CNBD2: variants seen among roughly 807,000 people sequenced by gnomAD.
CNBD2 encodes cyclic nucleotide binding domain containing 2.
A neutral mutation model predicts 63.7 loss-of-function variants in CNBD2; 64 were observed. That is an observed-to-expected ratio of 1.00 (90% CI 0.82 to 1.24). The LOEUF is 1.24. Among genes scored for constraint, CNBD2 ranks in the 50% most tolerant of loss-of-function variants. The probability of loss-of-function intolerance (pLI) is 0.00; values close to 1 mark genes in which losing one functional copy is unlikely to be tolerated. For synonymous variants in CNBD2, 229 were observed against 255.4 expected (o/e 0.90, Z 0.99); for missense variants, 691 against 713.5 (o/e 0.97, Z 0.36).
At chr20:36,007,404 C>G (rs1247004348) in intron 8 of CNBD2, among the ~76,000 whole-genome samples, 1 of 152,106 alleles carries the variant, frequency 6.6e-6, no homozygotes, top group Non-Finnish European at 1.5e-5. Flanking sequence ...CCTACCTCAG[C>G]CTCCTGAGTA....
chr20:35,976,114 A>G (rs990453902), intron 3 of CNBD2, 112 bp downstream of exon 3: 2 of 905,230 alleles, frequency 2.2e-6, no homozygotes, highest in Non-Finnish European at 3.5e-6. Context: ...TCTGCCACCA[A>G]CTCAGCTTGT....
chr20:35,975,203 T>A (rs368307758), intron 2 of CNBD2, among the ~76,000 whole-genome samples: 1 of 134,538 alleles, frequency 7.4e-6, no homozygotes, highest in Admixed American at 7.3e-5. Flanking sequence ...GGGTTTCACC[T>A]TGTTAGCCAG....
intron 6 of CNBD2, among the ~76,000 whole-genome samples, chr20:35,985,486 CCTTT>C (rs1337248250): frequency 7.2e-6 from 1 of 139,390 alleles, no homozygotes; most frequent in East Asian, 2.2e-4. Context: ...AACTATAATT[CCTTT>C]TTTTTTTTTT....
At chr20:36,006,711 C>G (rs1021547459) in intron 8 of CNBD2, among the ~76,000 whole-genome samples, 3 of 152,192 alleles carry the variant, frequency 2.0e-5, no homozygotes, top group African/African-American at 7.2e-5. Context: ...AGCCACTGCG[C>G]CTGGCCATAG....
At chr20:35,960,697 T>C (rs980828239) in intron 2 of CNBD2, among the ~76,000 whole-genome samples, 4 of 600 alleles carry the variant, frequency 6.7e-3, no homozygotes, top group African/African-American at 0.053. Flanking sequence ...ACTCCTCTTC[T>C]CTTCCCTTCT....
intron 10 of CNBD2, among the ~76,000 whole-genome samples, chr20:36,019,529 G>GAAAAAAAAA (rs60556168): frequency 4.6e-4 from 33 of 71,632 alleles, no homozygotes; most frequent in East Asian, 1.3e-3. Flanking sequence ...CTCAAAAAAA[G>GAAAAAAAAA]AAAAAAAAAA....
chr20:36,010,317 G>A (rs544016819), intron 9 of CNBD2, among the ~76,000 whole-genome samples: 19 of 152,072 alleles, frequency 1.2e-4, no homozygotes, highest in African/African-American at 4.3e-4. Context: ...CAAGCTCCTG[G>A]CCTCCATAAC....
chr20:35,984,541 A>G (rs759158070), intron 5 of CNBD2, 86 bp from the exon 6 acceptor site: 4 of 1,406,464 alleles, frequency 2.8e-6, no homozygotes, highest in East Asian at 4.7e-5. Flanking sequence ...TTCAGGGGGA[A>G]GATGGAGGCA....
intron 11 of CNBD2, among the ~76,000 whole-genome samples, chr20:36,024,064 G>T (rs1024478762): frequency 6.6e-6 from 1 of 152,216 alleles, no homozygotes; most frequent in Non-Finnish European, 1.5e-5. Flanking sequence ...GGTTGGGTGC[G>T]ATGGCTCACG....
rs367919516 is a variant in CNBD2, at chr20:36,023,551, G to A, written c.1270-51G>A. 290 of 1,388,744 alleles carry A rather than the reference G, an allele frequency of 2.1e-4. 1 individual carries two copies. The African/African-American group carries it at 3.7e-3, about 18-fold the overall frequency. 86.0% of individuals were successfully genotyped at this position (1,388,744 alleles called of 1,614,324 possible). ...AAGAAAAAAAAGAATGAAAATCTGC[G>A]GGCAGACCTGGCCAGTCTCTGAGGT... On this transcript the variant is annotated intron_variant, in intron 10 of 11. Transcript: ENST00000373973.
chr20:36,018,484 G>A (rs1404125098), intron 10 of CNBD2, among the ~76,000 whole-genome samples: 1 of 152,198 alleles, frequency 6.6e-6, no homozygotes, highest in Non-Finnish European at 1.5e-5. Flanking sequence ...GGATGCCTTC[G>A]TGAGGTGCCT....
intron 8 of CNBD2, among the ~76,000 whole-genome samples, chr20:35,995,420 C>G (rs1319874420): frequency 6.6e-6 from 1 of 151,954 alleles, no homozygotes; most frequent in African/African-American, 2.4e-5. Flanking sequence ...CTTTTTTTCA[C>G]CCAGCTCTCT....
At chr20:35,959,825 T>C (rs2056292583), downstream of CNBD2, among the ~76,000 whole-genome samples, 1 of 152,180 alleles carries the variant, frequency 6.6e-6, no homozygotes, top group Non-Finnish European at 1.5e-5. Context: ...ACGTTTAACA[T>C]AGACAGTAGG....
chr20:35,964,391 G>T (rs2056329661), upstream of CNBD2, among the ~76,000 whole-genome samples: 2 of 151,056 alleles, frequency 1.3e-5, no homozygotes, highest in East Asian at 3.9e-4. Flanking sequence ...TGTTGGTCAG[G>T]TTGGTCTCAA....
At chr20:35,974,695 G>A (rs2056475184) in intron 2 of CNBD2, 1 of 152,220 alleles carries the variant, frequency 6.6e-6, no homozygotes, top group Admixed American at 6.5e-5. Flanking sequence ...GGATAAACAC[G>A]TTGTGGGGGC....
chr20:36,010,469 A>G (rs958954263), intron 9 of CNBD2, among the ~76,000 whole-genome samples: 3 of 151,380 alleles, frequency 2.0e-5, no homozygotes, highest in South Asian at 4.2e-4. Flanking sequence ...AAAAGAAAAG[A>G]AAAGAAATTC....
intron 10 of CNBD2, among the ~76,000 whole-genome samples, chr20:36,017,285 GT>G (rs1284244807): frequency 6.6e-6 from 1 of 152,132 alleles, no homozygotes; most frequent in Non-Finnish European, 1.5e-5. Flanking sequence ...GAAGCCTCAT[GT>G]GTGGTTATTC....
At chr20:35,954,848 C>T (rs1048363753) in exon 1 of CNBD2, 1 of 304,660 alleles carries the variant, frequency 3.3e-6, no homozygotes, top group African/African-American at 2.3e-5. Flanking sequence ...GACGGCTGGC[C>T]GGGGCTCGTT....
intron 8 of CNBD2, among the ~76,000 whole-genome samples, chr20:35,995,979 G>A (rs1568890409): frequency 2.0e-5 from 3 of 152,166 alleles, no homozygotes; most frequent in African/African-American, 7.2e-5. Context: ...TCAGAGTCCC[G>A]GGGCAGCAAA....
Sources: gnomAD v4.1 joint callset for allele counts (sites outside exome capture counted in the v4.1 genomes callset) on GRCh38, gnomAD v4.1.1 for gene constraint, MANE v1.5 for transcripts, NCBI Gene and HGNC (gene_info 2026-07-23, HGNC 2026-07-21) for gene names.